Variants in ANKRD31 observed in about 807,000 individuals in gnomAD.
ANKRD31 encodes the protein ankyrin repeat domain 31.
In ANKRD31, 147 loss-of-function variants were observed where a neutral mutation model predicts 186.0. That is an observed-to-expected ratio of 0.79 (90% CI 0.69 to 0.91). The LOEUF (loss-of-function observed/expected upper bound fraction) is 0.91, where lower values mean the gene tolerates loss of function less well. ANKRD31 is among the 40% of genes least tolerant of loss of function. ANKRD31 has a pLI of 0.00. For synonymous variants in ANKRD31, 673 were observed against 736.4 expected (o/e 0.91, Z 1.39); for missense variants, 1,986 against 2,148.8 (o/e 0.92, Z 1.50).
intron 22 of ANKRD31, among the ~76,000 whole-genome samples, chr5:75,100,746 C>A (rs1180135952): frequency 6.6e-6 from 1 of 152,010 alleles, no homozygotes; most frequent in African/African-American, 2.4e-5. Flanking sequence ...GGACTGCAAC[C>A]TCTGCTTTTT....
At chr5:75,113,922 A>C (rs917297231) in intron 19 of ANKRD31, among the ~76,000 whole-genome samples, 6 of 152,210 alleles carry the variant, frequency 3.9e-5, no homozygotes, top group Admixed American at 6.5e-5. Context: ...ATTAGGATAA[A>C]GAAAACATCT....
At chr5:75,105,373 A>G (rs1056739506) in intron 21 of ANKRD31, among the ~76,000 whole-genome samples, 155 bp from the exon 22 acceptor site, 1 of 152,180 alleles carries the variant, frequency 6.6e-6, no homozygotes, top group African/African-American at 2.4e-5. Flanking sequence ...GATTTTTTTA[A>G]TCTGACCACC....
intron 7 of ANKRD31, among the ~76,000 whole-genome samples, chr5:75,195,020 T>G (rs1755367650): frequency 6.6e-6 from 1 of 152,158 alleles, no homozygotes; most frequent in Non-Finnish European, 1.5e-5. Flanking sequence ...ACTGTCAATA[T>G]GACAAAGGGA....
At chr5:75,212,152 A>G (rs1259160351) in intron 3 of ANKRD31, among the ~76,000 whole-genome samples, 1 of 152,182 alleles carries the variant, frequency 6.6e-6, no homozygotes, top group Non-Finnish European at 1.5e-5. Context: ...ACATACACAA[A>G]AAAGTAGAAC....
chr5:75,165,081 C>T (rs1752826472), intron 11 of ANKRD31, among the ~76,000 whole-genome samples: 1 of 152,066 alleles, frequency 6.6e-6, no homozygotes, highest in Non-Finnish European at 1.5e-5. Context: ...TAGATTGTGT[C>T]CTTTGTTGTG....
intron 19 of ANKRD31, among the ~76,000 whole-genome samples, chr5:75,114,601 T>A (rs1431321429): frequency 6.6e-6 from 1 of 152,160 alleles, no homozygotes; most frequent in East Asian, 1.9e-4. Context: ...CAAGCATTCT[T>A]ATACACCAAC....
intron 3 of ANKRD31, among the ~76,000 whole-genome samples, chr5:75,214,711 A>T (rs1344157388): frequency 6.6e-6 from 1 of 152,188 alleles, no homozygotes; most frequent in African/African-American, 2.4e-5. Context: ...TAGAAGATGG[A>T]GGCTGCAAAA....
intron 12 of ANKRD31, among the ~76,000 whole-genome samples, chr5:75,153,004 T>A (rs1351360411): frequency 6.6e-6 from 1 of 152,016 alleles, no homozygotes; most frequent in Non-Finnish European, 1.5e-5. Flanking sequence ...GCAAAAGTGA[T>A]GACATATCAC....
At position 75,188,606 on chromosome 5, in the gene ANKRD31, C is replaced by T. The variant is rs1399754846; in HGVS notation, c.1451G>A (p.Arg484Gln). 30 of 1,535,352 alleles carry T rather than the reference C, an allele frequency of 2.0e-5. No homozygotes were observed. Among genetic ancestry groups the T allele is most frequent in the Non-Finnish European group, 2.4e-5 (27 of 1,146,060 alleles). ...TAAGTTCTCTCCAAAAATGTTTCTC[C>T]GGTTAATGCTATGAAGAGATATTTT... Reference protein sequence around the residue: ...VNKISLHSINRRNIFGENLVY... With the variant: ...VNKISLHSINQRNIFGENLVY... Residue 484 changes from arginine (R) to glutamine (Q), a missense_variant, in exon 10 of 26, where the codon CGG (arginine) becomes CAG (glutamine). Physicochemically the swap from Arg to Gln is conservative, Grantham distance 43. Transcript: ENST00000506364.
chr5:75,200,064 C>T (rs1755713453), intron 5 of ANKRD31, among the ~76,000 whole-genome samples: 1 of 152,066 alleles, frequency 6.6e-6, no homozygotes, highest in Admixed American at 6.6e-5. Context: ...CTCATGCTGT[C>T]TGGAGTTAGG....
At chr5:75,153,443 G>T (rs767416368) in intron 12 of ANKRD31, among the ~76,000 whole-genome samples, 1 of 152,104 alleles carries the variant, frequency 6.6e-6, no homozygotes, top group Non-Finnish European at 1.5e-5. Context: ...TCTAGGCCTC[G>T]TTGAGAAGGT....
chr5:75,103,370 G>A (rs1027725458), intron 22 of ANKRD31, among the ~76,000 whole-genome samples: 1 of 152,180 alleles, frequency 6.6e-6, no homozygotes, highest in African/African-American at 2.4e-5. Flanking sequence ...CGAGGTTGCA[G>A]ATAAATAGGA....
chr5:75,215,872 C>G (rs576146368), intron 3 of ANKRD31, among the ~76,000 whole-genome samples: 1 of 151,486 alleles, frequency 6.6e-6, no homozygotes, highest in East Asian at 1.9e-4. Flanking sequence ...ATTTCTTTAT[C>G]TGATAAAATC....
chr5:75,209,439 G>A (rs1182833677), intron 4 of ANKRD31, among the ~76,000 whole-genome samples: 1 of 152,200 alleles, frequency 6.6e-6, no homozygotes, highest in Non-Finnish European at 1.5e-5. Flanking sequence ...CACTTTGGGA[G>A]GCCCAGGCAG....
chr5:75,141,356 A>G (rs554589086), intron 15 of ANKRD31, among the ~76,000 whole-genome samples: 223 of 151,168 alleles, frequency 1.5e-3, no homozygotes, highest in South Asian at 4.8e-3. Flanking sequence ...GTGTGTGTGT[A>G]TATATATACA....
intron 12 of ANKRD31, among the ~76,000 whole-genome samples, chr5:75,148,901 A>G (rs998938186): frequency 6.6e-6 from 1 of 151,872 alleles, no homozygotes; most frequent in East Asian, 1.9e-4. Context: ...CTCAGTATTT[A>G]TTTTCCCCAC....
In ANKRD31 at chr5:75,095,195, C is replaced by T. The variant is rs969304702; in HGVS notation, c.5332-3794G>A. Among the ~76,000 whole-genome samples, 7 of 152,106 alleles carry T rather than the reference C, an allele frequency of 4.6e-5. No homozygotes were observed. The South Asian group carries it at 1.2e-3, about 27-fold the overall frequency. ...ATTAAATAAAAAATTCTTGGCCGGG[C>T]ATGGTGGCTCATGCCTGTAATCCCA... On this transcript the variant is annotated intron_variant, in intron 22 of 25. Coordinates refer to ENST00000506364, the MANE Select transcript of ANKRD31 (RefSeq NM_001372053.1).
intron 10 of ANKRD31, among the ~76,000 whole-genome samples, chr5:75,181,790 C>T (rs896250467): frequency 1.5e-4 from 22 of 151,268 alleles, no homozygotes; most frequent in Non-Finnish European, 2.4e-4. Context: ...TGTTAAATGA[C>T]GAGTTAATGG....
At chr5:75,186,866 T>C (rs1164778177) in intron 10 of ANKRD31, among the ~76,000 whole-genome samples, 1 of 152,172 alleles carries the variant, frequency 6.6e-6, no homozygotes, top group Non-Finnish European at 1.5e-5. Flanking sequence ...TACCACAAAA[T>C]AAGTATACTT....
Sources: gnomAD v4.1 joint callset for allele counts (sites outside exome capture counted in the v4.1 genomes callset) on GRCh38, gnomAD v4.1.1 for gene constraint, MANE v1.5 for transcripts, NCBI Gene and HGNC (gene_info 2026-07-23, HGNC 2026-07-21) for gene names.